Variants in DHX38 observed in about 807,000 individuals in gnomAD.
DHX38 encodes DEAH-box helicase 38.
Under a neutral mutation model 153.1 loss-of-function variants are expected in DHX38, and 100 were observed. That is an observed-to-expected ratio of 0.65 (90% confidence interval 0.56 to 0.77). The LOEUF (loss-of-function observed/expected upper bound fraction) is 0.77. Among genes scored for constraint, DHX38 ranks in the 30% least tolerant of loss-of-function variants. The probability of loss-of-function intolerance (pLI) is 0.00; values close to 1 mark genes in which losing one functional copy is unlikely to be tolerated. For missense variants in DHX38, 1,440 were observed against 1,654.0 expected (o/e 0.87, Z 2.24); for synonymous variants, 650 against 631.7 (o/e 1.03, Z -0.43).
chr16:72,108,133 G>A lies in DHX38; in HGVS notation c.2965-94G>A, dbSNP rs1264848077. ...CCTATTGACATGTTTGAAGTTCTAT[G>A]TGTGGGTAGGTGGTAGTGTTAGAAC... On this transcript the variant is annotated intron_variant, in intron 21 of 26. Transcript: ENST00000268482. 14 of 1,389,296 alleles carry A rather than the reference G, an allele frequency of 1.0e-5. No individual in the cohort carries two copies. The Admixed American group carries it at 2.9e-4, about 29-fold the overall frequency. The allele number at this position is 1,389,296 out of a possible 1,614,324, so 86.1% of individuals were successfully genotyped here.
At chr16:72,108,709 A>G in intron 23 of DHX38, 91 bp from the exon 24 acceptor site, 1 of 1,589,372 alleles carries the variant, frequency 6.3e-7, no homozygotes, top group Non-Finnish European at 8.6e-7. Context: ...GGCTTCCGCC[A>G]AAGGCTGTGT....
intron 7 of DHX38, 76 bp from the exon 8 acceptor site, chr16:72,099,656 C>G (rs1023710140): frequency 6.7e-5 from 106 of 1,573,910 alleles, no homozygotes; most frequent in Middle Eastern, 1.9e-4. Flanking sequence ...ACCAAGCGTC[C>G]CTTCTTCTGT....
At position 72,112,475 on chromosome 16, in the gene DHX38, C is replaced by G; in HGVS notation, c.3662C>G (p.Thr1221Arg). Residue 1221 changes from threonine to arginine, a missense_variant, in exon 27 of 27, where the codon ACG becomes AGG. Thr to Arg is a moderately conservative substitution (Grantham distance 71, BLOSUM62 -1). This residue lies in a region of DHX38 where 75 missense variants were observed against 69.5 expected (regional missense o/e 1.08). Transcript: ENST00000268482. ...EQGEPMTPRR[T>R]PARFGL is the part of the protein sequence containing the mutation. ...GGGGAGCCCATGACCCCTCGCCGCA[C>G]GCCAGCCCGCTTTGGTCTGTGAGCT... is the stretch of plus-strand genomic sequence containing the variant. 1 of 1,612,250 alleles carries G rather than the reference C, an allele frequency of 6.2e-7. No individual in the cohort carries two copies. Among genetic ancestry groups the G allele is most frequent in the Non-Finnish European group, 8.5e-7 (1 of 1,180,024 alleles).
Position 72,097,013 on chromosome 16 carries a change from A to T in DHX38, c.511+4A>T. 6.2e-7 allele frequency: 1 copy of T among 1,613,006 alleles called. No homozygotes were observed. ...TATGACCGCAAGAGGGACAGAGGTAAACTGTCCAGCACAGTTCCTATTGTC... is the reference window on the plus strand; with the variant it reads ...TATGACCGCAAGAGGGACAGAGGTATACTGTCCAGCACAGTTCCTATTGTC... On this transcript the variant is annotated splice_donor_region_variant and intron_variant, in intron 3 of 26. Coordinates refer to ENST00000268482, the MANE Select transcript of DHX38 (RefSeq NM_014003.4).
rs372311072 is a variant in DHX38 at position 72,106,096 on chromosome 16, C to T, written c.2579C>T (p.Thr860Met). 2.5e-5 allele frequency: 40 copies of T among 1,614,074 alleles called. No homozygotes were observed. The highest frequency in any genetic ancestry group is 3.2e-5 in the Non-Finnish European group (38 of 1,180,050). Residue 860 changes from threonine (T) to methionine (M), a missense_variant, in exon 19 of 27, where the codon ACG becomes ATG. Thr to Met is a moderately conservative substitution (Grantham distance 81). This residue lies in a region of DHX38 where 543 missense variants were observed against 717.9 expected (regional missense o/e 0.76). Coordinates refer to ENST00000268482, the MANE Select transcript of DHX38 (RefSeq NM_014003.4). ...ANQRSGRAGRTGPGQCFRLYT... is the reference protein window; with the variant it reads ...ANQRSGRAGRMGPGQCFRLYT... Reference sequence around the variant, plus strand: ...CAGCGGTCAGGGCGAGCCGGCAGGACGGGCCCAGGTCAGTGTTTCAGGTAG... The same window carrying T: ...CAGCGGTCAGGGCGAGCCGGCAGGATGGGCCCAGGTCAGTGTTTCAGGTAG...
At chr16:72,112,314 T>C in intron 26 of DHX38, 99 bp from the exon 27 acceptor site, 1 of 1,196,034 alleles carries the variant, frequency 8.4e-7, no homozygotes, top group East Asian at 2.3e-5. Context: ...CTCCCCACCA[T>C]GGGTTAGGAA....
Position 72,104,286 on chromosome 16 carries a change from T to C in DHX38, c.2010+155T>C. 8.4e-7 allele frequency: 1 copy of C among 1,185,738 alleles called. No homozygotes were observed. Among genetic ancestry groups the C allele is most frequent in the Admixed American group, 2.6e-5 (1 of 37,782 alleles). 73.5% of individuals were successfully genotyped at this position (1,185,738 alleles called of 1,614,324 possible). On this transcript the variant is annotated intron_variant, in intron 14 of 26. Transcript: ENST00000268482. This position sits in a 1 kb window ranked among gnomAD's most constrained non-coding sequence, Gnocchi z 4.5. ...CAGTTCAGACTCGGGTTGTAGTTCA[T>C]GCTGTTCTTGCTCTGCTGAGGGTGG...
At chr16:72,109,912 C>T (rs2042235509) in intron 25 of DHX38, among the ~76,000 whole-genome samples, 1 of 152,006 alleles carries the variant, frequency 6.6e-6, no homozygotes, top group South Asian at 2.1e-4. Context: ...TCCATAAATA[C>T]TTGAGTATGT....
chr16:72,096,704 C>T (rs1275357651), intron 2 of DHX38, 118 bp from the exon 3 acceptor site: 4 of 1,489,698 alleles, frequency 2.7e-6, no homozygotes, highest in Admixed American at 2.3e-5. Flanking sequence ...ATATGTGAGC[C>T]TGCGTCCCAG....
At position 72,107,521 on chromosome 16, in the gene DHX38, T is replaced by G. The variant is rs768047552; in HGVS notation, c.2782T>G (p.Trp928Gly). 2 of 1,614,058 alleles carry G rather than the reference T, an allele frequency of 1.2e-6. No individual in the cohort carries two copies. Among genetic ancestry groups the G allele is most frequent in the Non-Finnish European group, 1.7e-6 (2 of 1,179,926 alleles). ...CATGCTCAACTCTATGTATCAGCTC[T>G]GGATCCTCGGGGCCCTGGACAACAC... Reference protein sequence around the residue: ...DNMLNSMYQLWILGALDNTGG... With the variant: ...DNMLNSMYQLGILGALDNTGG... The change falls in exon 20 of 27, where the codon TGG becomes GGG. Residue 928 changes from tryptophan to glycine, a missense_variant. Trp to Gly is a radical substitution (Grantham distance 184). Around this residue, in one of 6 missense-constraint regions of DHX38, gnomAD observed 543 missense variants for 717.9 expected, o/e 0.76. Transcript: ENST00000268482. The surrounding 1 kb of genome is among the most constrained non-coding windows in gnomAD (Gnocchi z 5.3).
intron 18 of DHX38, 140 bp from the exon 19 acceptor site, chr16:72,105,865 C>A: frequency 1.3e-6 from 1 of 765,196 alleles, no homozygotes; most frequent in Non-Finnish European, 2.2e-6. Flanking sequence ...AAGACTTCTT[C>A]AGGTGTTCAT....
chr16:72,100,400 G>A (rs1325673697), intron 8 of DHX38, 36 bp from the exon 9 acceptor site: 2 of 1,606,006 alleles, frequency 1.2e-6, no homozygotes, highest in East Asian at 2.2e-5. Flanking sequence ...CCTTTGGGGT[G>A]GCAATTTGAG....
At chr16:72,106,823 A>T (rs1174955948) in intron 19 of DHX38, among the ~76,000 whole-genome samples, 1 of 152,238 alleles carries the variant, frequency 6.6e-6, no homozygotes, top group Non-Finnish European at 1.5e-5. Context: ...ATAGAAAAAT[A>T]TCAAGAAAAT....
intron 18 of DHX38, 54 bp from the exon 19 acceptor site, chr16:72,105,951 C>A (rs558540467): frequency 2.6e-6 from 4 of 1,551,464 alleles, no homozygotes; most frequent in Non-Finnish European, 2.7e-6. Flanking sequence ...CTCAGGCCTA[C>A]TTCCACTTTC....
chr16:72,108,861 C>A lies in DHX38; in HGVS notation c.3317C>A (p.Ser1106Tyr). ...CCCTGCCACTTGCACCCCACCAGCT[C>A]CCTTTTTGGAATGGGCTACACCCCA... ...GMPCHLHPTS[S>Y]LFGMGYTPDY... Residue 1106 changes from serine (S) to tyrosine (Y), a missense_variant, in exon 24 of 27, where the codon TCC becomes TAC. Ser to Tyr is a moderately radical substitution (Grantham distance 144, BLOSUM62 -2). Transcript: ENST00000268482. 6.2e-7 allele frequency: 1 copy of A among 1,614,086 alleles called. No individual in the cohort carries two copies. The highest frequency in any genetic ancestry group is 2.2e-5 in the East Asian group (1 of 44,886).
chr16:72,096,171 G>C lies in DHX38; in HGVS notation c.14G>C (p.Ser5Thr). The C allele has an allele frequency of 6.2e-7, 1 of 1,601,574 alleles. No homozygotes were observed. The highest frequency in any genetic ancestry group is 8.5e-7 in the Non-Finnish European group (1 of 1,170,184). Residue 5 changes from serine (S) to threonine (T), a missense_variant, in exon 2 of 27, where the codon AGT becomes ACT. Ser to Thr is a moderately conservative substitution (Grantham distance 58). Coordinates refer to ENST00000268482, the MANE Select transcript of DHX38 (RefSeq NM_014003.4). MGDTSEDASIHRLEG... is the reference protein window; with the variant it reads MGDTTEDASIHRLEG... ...CCAGATCCTGTGATGGGGGACACCA[G>C]TGAGGATGCCTCGATCCATCGATTG...
In DHX38 at chr16:72,108,841, C is replaced by A. The variant is rs1267173995; in HGVS notation, c.3297C>A (p.Cys1099Ter). 1 of 1,614,076 alleles carries A rather than the reference C, an allele frequency of 6.2e-7. No individual in the cohort carries two copies. The highest frequency in any genetic ancestry group is 2.2e-5 in the East Asian group (1 of 44,888). Residue 1099 changes from cysteine (C) to a stop codon, truncating the protein, a stop_gained, in exon 24 of 27, where the codon TGC (cysteine) becomes TGA (stop). Coordinates refer to ENST00000268482, the MANE Select transcript of DHX38 (RefSeq NM_014003.4). LOFTEE classifies it high-confidence loss of function. ...EYVNIRTGMP[C>*]HLHPTSSLFG... ...TGAACATCCGCACAGGGATGCCCTG[C>A]CACTTGCACCCCACCAGCTCCCTTT...
chr16:72,105,170 G>A, intron 16 of DHX38, 33 bp downstream of exon 16: 4 of 1,613,900 alleles, frequency 2.5e-6, no homozygotes, highest in Middle Eastern at 1.6e-4. Flanking sequence ...TGATGAGCGG[G>A]TGTGTCTTGC....
In DHX38 at chr16:72,104,604, C is replaced by G. The variant is rs1567608491; in HGVS notation, c.2129C>G (p.Pro710Arg). 1 of 1,614,172 alleles carries G rather than the reference C, an allele frequency of 6.2e-7. No homozygotes were observed. Among genetic ancestry groups the G allele is most frequent in the Admixed American group, 1.7e-5 (1 of 60,028 alleles). ...TTCCACATCCCTGGCCGTACCTTCC[C>G]TGTTGACATCCTCTTCAGCAAGGTA... ...PIFHIPGRTF[P>R]VDILFSKTPQ... Residue 710 changes from proline (P) to arginine (R), a missense_variant, in exon 15 of 27, where the codon CCT becomes CGT. Transcript: ENST00000268482. This position sits in a 1 kb window ranked among gnomAD's most constrained non-coding sequence, Gnocchi z 4.5.
Sources: gnomAD v4.1 joint callset for allele counts (sites outside exome capture counted in the v4.1 genomes callset) on GRCh38, gnomAD v4.1.1 for gene constraint, gnomAD v4.1.1 regional missense constraint, Gnocchi (gnomAD v3.1) non-coding constraint, MANE v1.5 for transcripts, NCBI Gene and HGNC (gene_info 2026-07-23, HGNC 2026-07-21) for gene names.